PLAAT1: variants seen among roughly 807,000 people sequenced by gnomAD.
PLAAT1 encodes the protein phospholipase A and acyltransferase 1, also known as H-REV107 protein-related protein.
A neutral mutation model predicts 16.4 loss-of-function variants in PLAAT1; 13 were observed. The observed-to-expected ratio is 0.79, with a 90% CI of 0.52 to 1.26. The LOEUF is 1.26. Ranked by LOEUF, PLAAT1 falls within the 50% of genes most tolerant of loss-of-function variation. The pLI is 0.00. For missense variants in PLAAT1, 218 were observed against 207.8 expected (o/e 1.05, Z -0.30); for synonymous variants, 73 against 78.4 (o/e 0.93, Z 0.36).
chr3:193,241,867 C>T (rs1412323605), intron 1 of PLAAT1, among the ~76,000 whole-genome samples: 1 of 152,136 alleles, frequency 6.6e-6, no homozygotes, highest in Non-Finnish European at 1.5e-5. Flanking sequence ...CTTTGGCATG[C>T]GAGACTATTA....
At chr3:193,275,191 A>G, downstream of PLAAT1, 1 of 1,614,220 alleles carries the variant, frequency 6.2e-7, no homozygotes, top group Non-Finnish European at 8.5e-7. Flanking sequence ...ATGGGAGGCC[A>G]GGTTGAGTCT....
intron 1 of PLAAT1, among the ~76,000 whole-genome samples, chr3:193,245,553 C>T (rs1399186837): frequency 6.6e-6 from 1 of 152,016 alleles, no homozygotes; most frequent in African/African-American, 2.4e-5. Context: ...GGTTATATAC[C>T]CAGAAGGATG....
intron 1 of PLAAT1, among the ~76,000 whole-genome samples, chr3:193,252,915 C>T (rs952853921): frequency 2.0e-5 from 3 of 148,744 alleles, no homozygotes; most frequent in Admixed American, 6.9e-5. Context: ...ATTTAAGCTG[C>T]ATTCCTGGAA....
chr3:193,253,481 T>C (rs960510421), intron 1 of PLAAT1, among the ~76,000 whole-genome samples: 1 of 152,184 alleles, frequency 6.6e-6, no homozygotes, highest in Non-Finnish European at 1.5e-5. Flanking sequence ...CTCTTGCCAA[T>C]TCACAGGGCA....
intron 1 of PLAAT1, among the ~76,000 whole-genome samples, chr3:193,243,228 A>T (rs1715846022): frequency 6.6e-6 from 1 of 152,234 alleles, no homozygotes; most frequent in Admixed American, 6.5e-5. Flanking sequence ...ATTGTAGTAG[A>T]GGATGTTATA....
intron 1 of PLAAT1, among the ~76,000 whole-genome samples, chr3:193,250,913 G>A (rs13083545): frequency 0.38 from 57,923 of 151,432 alleles, 12,713 homozygotes; most frequent in Non-Finnish European, 0.48. Context: ...AAAAGGTTTG[G>A]GAGTGCCATC....
In PLAAT1 at chr3:193,251,042, G is replaced by A. The variant is rs115118584; in HGVS notation, c.1-4609G>A. 8.1e-3 allele frequency among the ~76,000 whole-genome samples: 1,032 copies of A among 128,084 alleles called. 14 individuals are homozygous for A. Among genetic ancestry groups the A allele is most frequent in the African/African-American group, 0.024 (988 of 40,526 alleles). The allele number at this position is 128,084 out of a possible 152,430, so 84.0% of individuals were successfully genotyped here. A position where few individuals can be genotyped will look rare whatever the true frequency, so the allele number is the denominator to read the frequency against. On this transcript the variant is annotated intron_variant, in intron 1 of 3. Transcript: ENST00000264735. ...CAGTGAGTGCCTATCTCCTGTTCAAGCAAGAAGTCTCAGATCTTTTTTGCA... is the reference window on the plus strand; with the variant it reads ...CAGTGAGTGCCTATCTCCTGTTCAAACAAGAAGTCTCAGATCTTTTTTGCA...
chr3:193,276,754 A>G (rs2271791), intron 2 of PLAAT1: 731,207 of 1,597,934 alleles, frequency 0.46, 173,478 homozygotes, highest in Admixed American at 0.49. Flanking sequence ...CTTTACCTCT[A>G]CAAAGAAAGC....
intron 2 of PLAAT1, among the ~76,000 whole-genome samples, chr3:193,256,890 T>C (rs1315536838): frequency 6.6e-6 from 1 of 152,196 alleles, no homozygotes; most frequent in Non-Finnish European, 1.5e-5. Flanking sequence ...TGAATTAAGA[T>C]TTAGCCATAT....
downstream of PLAAT1, among the ~76,000 whole-genome samples, chr3:193,272,020 T>C (rs570909235): frequency 6.6e-6 from 1 of 152,302 alleles, no homozygotes; most frequent in Admixed American, 6.5e-5. Flanking sequence ...GACTCTCTTC[T>C]TCCACTGGTC....
At chr3:193,255,845 G>A (rs1271651686) in intron 2 of PLAAT1, 56 bp downstream of exon 2, 2 of 1,417,442 alleles carry the variant, frequency 1.4e-6, no homozygotes, top group Non-Finnish European at 1.9e-6. Flanking sequence ...CTTGTTACAG[G>A]AAGTAATCAT....
At chr3:193,252,561 C>T (rs1208222935) in intron 1 of PLAAT1, among the ~76,000 whole-genome samples, 1 of 152,088 alleles carries the variant, frequency 6.6e-6, no homozygotes, top group Non-Finnish European at 1.5e-5. Flanking sequence ...ATCTTAAGGA[C>T]AATCAATTTA....
At chr3:193,264,456 TATTAAG>T (rs1313445994) in intron 3 of PLAAT1, among the ~76,000 whole-genome samples, 8 of 152,146 alleles carry the variant, frequency 5.3e-5, no homozygotes, top group Non-Finnish European at 1.2e-4. Flanking sequence ...GAGAAATGCC[TATTAAG>T]ATTATTTGCC....
chr3:193,250,207 T>A (rs1207657322), intron 1 of PLAAT1, among the ~76,000 whole-genome samples: 1 of 152,156 alleles, frequency 6.6e-6, no homozygotes, highest in Non-Finnish European at 1.5e-5. Flanking sequence ...TCTGCTATTT[T>A]TTATTCTTAT....
In PLAAT1 at chr3:193,262,961, A is replaced by C. The variant is rs557250957; in HGVS notation, c.140-9A>C. 6.2e-7 allele frequency: 1 copy of C among 1,613,960 alleles called. No individual in the cohort carries two copies. The highest frequency in any genetic ancestry group is 1.1e-5 in the South Asian group (1 of 91,060). ...ACTATACCTTACTAACCAGAATTCT[A>C]CTTTATAGATGGCATTCCTGCGTCC... is the stretch of plus-strand genomic sequence containing the variant. On this transcript the variant is annotated splice_polypyrimidine_tract_variant and intron_variant, in intron 2 of 3. Coordinates refer to ENST00000264735, the MANE Select transcript of PLAAT1 (RefSeq NM_020386.5).
downstream of PLAAT1, chr3:193,270,899 A>C: frequency 8.2e-7 from 1 of 1,224,600 alleles, no homozygotes; most frequent in Non-Finnish European, 1.0e-6. Context: ...GCATAGATGT[A>C]CTGTGGCAGC....
chr3:193,280,581 C>T (rs1445341455), downstream of PLAAT1, among the ~76,000 whole-genome samples: 24 of 152,114 alleles, frequency 1.6e-4, no homozygotes, highest in Non-Finnish European at 1.9e-4. Context: ...TTCTTCTTTC[C>T]ATCCTGCCCA....
At position 193,255,775 on chromosome 3, in the gene PLAAT1, A is replaced by G. The variant is rs779659692; in HGVS notation, c.125A>G (p.Asn42Ser). ...ALYLGDGYVI[N>S]IAPVDGIPAS... is the part of the protein sequence containing the mutation. ...TACTTGGGTGATGGTTACGTTATCA[A>G]CATAGCACCTGTAGGTGAGGTTTAT... is the stretch of plus-strand genomic sequence containing the variant. The change falls in exon 2 of 4, where the codon AAC becomes AGC. Residue 42 changes from asparagine to serine, a missense_variant. Coordinates refer to ENST00000264735, the MANE Select transcript of PLAAT1 (RefSeq NM_020386.5). 5.6e-6 allele frequency: 9 copies of G among 1,602,060 alleles called. No individual in the cohort carries two copies. The South Asian group carries it at 7.9e-5, about 14-fold the overall frequency.
Position 193,255,669 on chromosome 3 carries a change from T to C in PLAAT1, c.19T>C (p.Phe7Leu). Reference sequence around the variant, plus strand: ...ATTGCAGATGGCGTTTAATGATTGCTTCAGTTTGAACTACCCTGGCAACCC... The same window carrying C: ...ATTGCAGATGGCGTTTAATGATTGCCTCAGTTTGAACTACCCTGGCAACCC... The part of the protein sequence containing the change: MAFNDC[F>L]SLNYPGNPCP... Residue 7 changes from phenylalanine (F) to leucine (L), a missense_variant, in exon 2 of 4, where the codon TTC becomes CTC. Phe to Leu is a conservative substitution (Grantham distance 22). Coordinates refer to ENST00000264735, the MANE Select transcript of PLAAT1 (RefSeq NM_020386.5). 6.2e-7 allele frequency: 1 copy of C among 1,609,436 alleles called. No homozygotes were observed. Among genetic ancestry groups the C allele is most frequent in the Non-Finnish European group, 8.5e-7 (1 of 1,177,832 alleles).
Sources: gnomAD v4.1 joint callset for allele counts (sites outside exome capture counted in the v4.1 genomes callset) on GRCh38, gnomAD v4.1.1 for gene constraint, MANE v1.5 for transcripts, NCBI Gene and HGNC (gene_info 2026-07-23, HGNC 2026-07-21) for gene names.